The following ICMT variants were observed in gnomAD, a reference collection of about 807,000 sequenced individuals.
The protein encoded by ICMT is protein-S-isoprenylcysteine O-methyltransferase.
A neutral mutation model predicts 32.2 loss-of-function variants in ICMT; 10 were observed. The ratio of observed to expected loss-of-function variants is 0.31; its 90% CI spans 0.19 to 0.53. The LOEUF (loss-of-function observed/expected upper bound fraction) is 0.53. ICMT is among the 20% of genes least tolerant of loss of function. The pLI is 0.96. For missense variants in ICMT, 265 were observed against 356.9 expected, an observed-to-expected ratio of 0.74 and a Z score of 2.07; for synonymous variants, 183 against 158.2, an observed-to-expected ratio of 1.16 and a Z score of -1.18.
At chr1:6,229,075 C>G (rs184601391) in intron 4 of ICMT, among the ~76,000 whole-genome samples, 1 of 151,448 alleles carries the variant, frequency 6.6e-6, no homozygotes, top group Non-Finnish European at 1.5e-5. Flanking sequence ...TGGTGGCTCA[C>G]GCCTGTAATC....
In ICMT at chr1:6,224,911, G is replaced by A. The variant is rs1668620896; in HGVS notation, c.*169C>T. The A allele has an allele frequency of 3.0e-6, 2 of 673,504 alleles. No homozygotes were observed. The highest frequency in any genetic ancestry group is 1.8e-5 in the South Asian group (1 of 55,052). 41.7% of individuals were successfully genotyped at this position (673,504 alleles called of 1,614,324 possible). A position where few individuals can be genotyped will look rare whatever the true frequency, so the allele number is the denominator to read the frequency against. On this transcript the variant is annotated 3_prime_UTR_variant, in exon 5 of 5. Coordinates refer to ENST00000343813, the MANE Select transcript of ICMT (RefSeq NM_012405.4). ...CATAAGGACAGACTGCTCCAGTGGG[G>A]CCTTGGGTCCTCAGGCCTTCTGACC... is the stretch of plus-strand genomic sequence containing the variant.
At chr1:6,233,138 G>A (rs947815815) in intron 3 of ICMT, among the ~76,000 whole-genome samples, 2 of 152,208 alleles carry the variant, frequency 1.3e-5, no homozygotes, top group African/African-American at 2.4e-5. Context: ...ACAGGCGTTC[G>A]CCACCGTGCC....
At chr1:6,233,149 C>A (rs985055626) in intron 3 of ICMT, among the ~76,000 whole-genome samples, 1 of 152,236 alleles carries the variant, frequency 6.6e-6, no homozygotes. Flanking sequence ...CCACCGTGCC[C>A]GGCCAGTAAA....
chr1:6,234,107 C>T (rs777379969), intron 2 of ICMT, among the ~76,000 whole-genome samples: 2 of 152,286 alleles, frequency 1.3e-5, no homozygotes, highest in Non-Finnish European at 2.9e-5. Flanking sequence ...GAACTCCTGA[C>T]CTCGTGATCT....
intron 4 of ICMT, among the ~76,000 whole-genome samples, chr1:6,228,744 G>A (rs1308407199): frequency 1.3e-5 from 2 of 152,052 alleles, no homozygotes; most frequent in Non-Finnish European, 2.9e-5. Flanking sequence ...AGAAATATGC[G>A]GGTTGGATGC....
Position 6,235,875 on chromosome 1 carries a change from C to A in ICMT, c.37G>T (p.Glu13Ter). 3.5e-6 allele frequency: 4 copies of A among 1,159,010 alleles called. No homozygotes were observed. The highest frequency in any genetic ancestry group is 4.2e-6 in the Non-Finnish European group (4 of 943,110). The allele number at this position is 1,159,010 out of a possible 1,614,324, so 71.8% of individuals were successfully genotyped here. A position where few individuals can be genotyped will look rare whatever the true frequency, so the allele number is the denominator to read the frequency against. ...AAGGTGGCGAGGCTGAGACGCGCCTCAGAGCCCGGCGGAGCCCGCGCCGCG... is the reference window on the plus strand; with the variant it reads ...AAGGTGGCGAGGCTGAGACGCGCCTAAGAGCCCGGCGGAGCCCGCGCCGCG... ...GCAARAPPGS[E>*]ARLSLATFLL... The change falls in exon 1 of 5, where the codon GAG (glutamate) becomes TAG (stop). Residue 13 changes from glutamate to a stop codon, truncating the protein, a stop_gained. Coordinates refer to ENST00000343813, the MANE Select transcript of ICMT (RefSeq NM_012405.4). LOFTEE classifies it high-confidence loss of function.
Position 6,224,934 on chromosome 1 carries a change from A to ACCG in ICMT, c.*143_*145dup, listed in dbSNP as rs1266514394. The ACCG allele has an allele frequency of 3.9e-6, 3 of 773,300 alleles. No homozygotes were observed. Among genetic ancestry groups the ACCG allele is most frequent in the Non-Finnish European group, 6.3e-6 (3 of 472,666 alleles). 47.9% of individuals were successfully genotyped at this position (773,300 alleles called of 1,614,324 possible). ...GGGCCTTGGGTCCTCAGGCCTTCTG[A>ACCG]CCGCTTGGTCTTGAGTGACATTCCA... is the stretch of plus-strand genomic sequence containing the variant. On this transcript the variant is annotated 3_prime_UTR_variant, in exon 5 of 5. Transcript: ENST00000343813.
intron 4 of ICMT, among the ~76,000 whole-genome samples, chr1:6,229,781 AATACAC>A (rs1275684224): frequency 1.3e-5 from 1 of 76,096 alleles, no homozygotes; most frequent in Non-Finnish European, 2.4e-5. Flanking sequence ...AAATAAAAAA[AATACAC>A]ACACACACAC....
rs1204546858 is a variant in ICMT, at chr1:6,225,011, C to T, written c.*69G>A. On this transcript the variant is annotated 3_prime_UTR_variant, in exon 5 of 5. Transcript: ENST00000343813. Reference sequence around the variant, plus strand: ...TTAAGAAAATCCATGTGGCAGCGGCCAACCGGAAACAGTTTTGTCCCAGGC... The same window carrying T: ...TTAAGAAAATCCATGTGGCAGCGGCTAACCGGAAACAGTTTTGTCCCAGGC... 7.4e-7 allele frequency: 1 copy of T among 1,343,324 alleles called. No individual in the cohort carries two copies. The highest frequency in any genetic ancestry group is 1.4e-5 in the South Asian group (1 of 73,330). 83.2% of individuals were successfully genotyped at this position (1,343,324 alleles called of 1,614,324 possible).
intron 4 of ICMT, among the ~76,000 whole-genome samples, chr1:6,230,154 A>AC (rs1289311863): frequency 6.6e-6 from 1 of 151,294 alleles, no homozygotes; most frequent in African/African-American, 2.4e-5. Flanking sequence ...TCACTCCATC[A>AC]CCCAGGCTGG....
At chr1:6,235,068 G>T in intron 1 of ICMT, 94 bp from the exon 2 acceptor site, 2 of 939,862 alleles carry the variant, frequency 2.1e-6, no homozygotes, top group Non-Finnish European at 3.4e-6. Flanking sequence ...CCACAGGCAA[G>T]CAGATAGAGC....
chr1:6,227,319 G>A (rs769599313), intron 4 of ICMT, among the ~76,000 whole-genome samples: 17 of 152,150 alleles, frequency 1.1e-4, no homozygotes, highest in South Asian at 6.2e-4. Context: ...TTAATGTGGC[G>A]GTTTTACATG....
In ICMT at chr1:6,221,459, T is replaced by C. The variant is rs116884258; in HGVS notation, c.*3621A>G. ...CCAGCATGACAGAGAGGCCGAGGCC[T>C]TCTAACCTTGCCAAACCACTACAAA... On this transcript the variant is annotated 3_prime_UTR_variant, in exon 5 of 5. Coordinates refer to ENST00000343813, the MANE Select transcript of ICMT (RefSeq NM_012405.4). The C allele has an allele frequency of 1.3e-5, 2 of 152,664 alleles. No homozygotes were observed. The highest frequency in any genetic ancestry group is 1.3e-4 in the Admixed American group (2 of 15,292). 9.5% of individuals were successfully genotyped at this position (152,664 alleles called of 1,614,324 possible). A position where few individuals can be genotyped will look rare whatever the true frequency, so the allele number is the denominator to read the frequency against.
At chr1:6,234,497 T>C in intron 2 of ICMT, 1 of 488,410 alleles carries the variant, frequency 2.0e-6, no homozygotes, top group Non-Finnish European at 4.1e-6. Context: ...GCTGTGGGGA[T>C]GCACTAGATG....
intron 2 of ICMT, chr1:6,234,331 C>T (rs1435493476): frequency 2.6e-6 from 1 of 382,986 alleles, no homozygotes; most frequent in Non-Finnish European, 5.1e-6. Context: ...CAAAATTTAA[C>T]AAAACTGAAA....
At chr1:6,234,675 G>A (rs1668789665) in intron 2 of ICMT, among the ~76,000 whole-genome samples, 1 of 152,166 alleles carries the variant, frequency 6.6e-6, no homozygotes, top group Non-Finnish European at 1.5e-5. Flanking sequence ...AGGGAGATCT[G>A]TTTCTGCCTG....
rs1051746022 is a variant in ICMT, at chr1:6,224,795, G to A, written c.*285C>T. 5 of 341,278 alleles carry A rather than the reference G, an allele frequency of 1.5e-5. No homozygotes were observed. Among genetic ancestry groups the A allele is most frequent in the Admixed American group, 4.8e-5 (1 of 21,028 alleles). The allele number at this position is 341,278 out of a possible 1,614,324, so 21.1% of individuals were successfully genotyped here. ...CTCGGGGGCAGTGGCGTGTGGCCTC[G>A]GTCCTCCCCAGGTAACTCTGGAGGG... On this transcript the variant is annotated 3_prime_UTR_variant, in exon 5 of 5. Coordinates refer to ENST00000343813, the MANE Select transcript of ICMT (RefSeq NM_012405.4).
intron 4 of ICMT, among the ~76,000 whole-genome samples, chr1:6,228,674 C>T (rs1668682282): frequency 6.6e-6 from 1 of 151,986 alleles, no homozygotes; most frequent in Non-Finnish European, 1.5e-5. Context: ...TGGCCTCAAG[C>T]AATCCTCCTG....
At chr1:6,230,180 T>C (rs955072760) in intron 4 of ICMT, among the ~76,000 whole-genome samples, 1 of 151,944 alleles carries the variant, frequency 6.6e-6, no homozygotes, top group African/African-American at 2.4e-5. Context: ...AGTGGCACAA[T>C]CTCAGCTCAC....
Sources: allele counts gnomAD v4.1 joint callset (sites outside exome capture counted in the v4.1 genomes callset), GRCh38; gene constraint gnomAD v4.1.1; transcripts MANE v1.5; gene names NCBI Gene and HGNC (gene_info 2026-07-23, HGNC 2026-07-21).